COP1: variants seen among roughly 807,000 people sequenced by gnomAD.
COP1 encodes the protein E3 ubiquitin-protein ligase COP1.
COP1 carries 24 observed loss-of-function variants against 101.3 expected under a neutral mutation model. The observed-to-expected ratio is 0.24, with a 90% CI of 0.17 to 0.33. COP1 has a LOEUF of 0.33. Among genes scored for constraint, COP1 ranks in the 10% least tolerant of loss-of-function variants. COP1 has a pLI of 1.00. For synonymous variants in COP1, 347 were observed against 341.9 expected (o/e 1.01, Z -0.17); for missense variants, 663 against 906.2 (o/e 0.73, Z 3.45).
At position 176,003,568 on chromosome 1, in the gene COP1, T is replaced by C. The variant is rs571175121; in HGVS notation, c.1730-14089A>G. Among the ~76,000 whole-genome samples the C allele has an allele frequency of 1.9e-3, 291 of 151,518 alleles. 3 individuals are homozygous for C. Among genetic ancestry groups the C allele is most frequent in the African/African-American group, 6.8e-3 (281 of 41,468 alleles). On this transcript the variant is annotated intron_variant, in intron 15 of 19. Coordinates refer to ENST00000367669, the MANE Select transcript of COP1 (RefSeq NM_022457.7). Reference sequence around the variant, plus strand: ...GGATCCAGTTTCAGCTTTCTACATATGGCTAGCCAGTTTTCCCAGCACCAT... The same window carrying C: ...GGATCCAGTTTCAGCTTTCTACATACGGCTAGCCAGTTTTCCCAGCACCAT...
intron 15 of COP1, among the ~76,000 whole-genome samples, chr1:176,022,719 G>T (rs1317944959): frequency 6.7e-6 from 1 of 150,152 alleles, no homozygotes; most frequent in Non-Finnish European, 1.5e-5. Flanking sequence ...ATGCCTTGCT[G>T]ATACTATCCC....
In COP1 at chr1:176,162,942, T is replaced by C. The variant is rs547206288; in HGVS notation, c.689A>G (p.Gln230Arg). 4 of 1,610,448 alleles carry C rather than the reference T, an allele frequency of 2.5e-6. No individual in the cohort carries two copies. The highest frequency in any genetic ancestry group is 1.3e-5 in the African/African-American group (1 of 74,990). The change falls in exon 5 of 20, where the codon CAA becomes CGA. Residue 230 changes from glutamine to arginine, a missense_variant. Physicochemically the swap from Gln to Arg is conservative, Grantham distance 43. Around this residue, in one of 4 missense-constraint regions of COP1, gnomAD observed 212 missense variants for 240.7 expected, o/e 0.88. Transcript: ENST00000367669. ...QIFQDWLGTD[Q>R]DNLDLANVNL... ...GACATTGGCCAAATCAAGGTTATCT[T>C]GGTCAGTTCCCAACCAATCTTGAAA...
At chr1:176,116,792 C>A (rs1451098227) in intron 8 of COP1, 111 bp from the exon 9 acceptor site, 3 of 725,314 alleles carry the variant, frequency 4.1e-6, no homozygotes, top group South Asian at 2.0e-5. Flanking sequence ...AATTTCTAAG[C>A]CAAGAAAATA....
At chr1:175,992,689 G>A (rs557828342) in intron 15 of COP1, among the ~76,000 whole-genome samples, 1 of 152,216 alleles carries the variant, frequency 6.6e-6, no homozygotes, top group East Asian at 1.9e-4. Flanking sequence ...CAGCGAGGCT[G>A]GGGGAGGGGC....
intron 5 of COP1, among the ~76,000 whole-genome samples, chr1:176,161,292 T>C (rs1472522922): frequency 6.6e-6 from 1 of 152,152 alleles, no homozygotes; most frequent in Non-Finnish European, 1.5e-5. Flanking sequence ...CAATCTCTCA[T>C]AAAAAGTCAT....
intron 1 of COP1, among the ~76,000 whole-genome samples, chr1:176,193,167 T>G (rs1360558207): frequency 6.6e-6 from 1 of 152,102 alleles, no homozygotes; most frequent in Non-Finnish European, 1.5e-5. Flanking sequence ...AACAAGCTCT[T>G]GAAAAGATGG....
chr1:176,095,749 A>T (rs1682232228), intron 9 of COP1, among the ~76,000 whole-genome samples: 1 of 152,246 alleles, frequency 6.6e-6, no homozygotes, highest in African/African-American at 2.4e-5. Flanking sequence ...GTGATACAAA[A>T]GCAAAGATCA....
chr1:176,064,066 A>G (rs1675462252), intron 11 of COP1, among the ~76,000 whole-genome samples: 1 of 152,184 alleles, frequency 6.6e-6, no homozygotes, highest in African/African-American at 2.4e-5. Flanking sequence ...TTTTTAACCA[A>G]TTAAAAGTAT....
chr1:176,078,847 TC>T (rs1344239053), intron 11 of COP1, among the ~76,000 whole-genome samples: 2 of 151,778 alleles, frequency 1.3e-5, no homozygotes, highest in Non-Finnish European at 2.9e-5. Context: ...CACAGACACT[TC>T]TCAAAAGAAG....
intron 14 of COP1, among the ~76,000 whole-genome samples, chr1:176,041,552 T>C (rs969918566): frequency 6.6e-6 from 1 of 152,092 alleles, no homozygotes; most frequent in South Asian, 2.1e-4. Context: ...TTTCACCACA[T>C]TGGCCAGGCT....
At chr1:176,204,355 C>T (rs1198735527) in intron 1 of COP1, among the ~76,000 whole-genome samples, 1 of 151,978 alleles carries the variant, frequency 6.6e-6, no homozygotes, top group African/African-American at 2.4e-5. Context: ...ATTATTTGAA[C>T]TTGGGCTTCG....
intron 15 of COP1, among the ~76,000 whole-genome samples, chr1:176,007,847 C>T (rs1430173394): frequency 6.6e-6 from 1 of 152,220 alleles, no homozygotes; most frequent in Non-Finnish European, 1.5e-5. Flanking sequence ...GCAGGCAGGC[C>T]TCCTTCAGCT....
intron 15 of COP1, among the ~76,000 whole-genome samples, chr1:176,022,081 C>G (rs1441757558): frequency 6.6e-6 from 1 of 152,118 alleles, no homozygotes; most frequent in Non-Finnish European, 1.5e-5. Flanking sequence ...TTATTACATA[C>G]ACAAAGCTCA....
At chr1:176,164,360 G>C (rs1394108911) in intron 3 of COP1, among the ~76,000 whole-genome samples, 2 of 152,128 alleles carry the variant, frequency 1.3e-5, no homozygotes, top group Non-Finnish European at 2.9e-5. Context: ...TCTTTTTCTT[G>C]ATAATAACAT....
chr1:176,143,151 A>C (rs199541144), intron 6 of COP1, among the ~76,000 whole-genome samples: 1 of 120,124 alleles, frequency 8.3e-6, no homozygotes, highest in Non-Finnish European at 1.7e-5. Flanking sequence ...AGAGAAAGAG[A>C]GAGAGAGAGA....
At chr1:176,049,610 C>T (rs1328361012) in intron 11 of COP1, among the ~76,000 whole-genome samples, 1 of 152,044 alleles carries the variant, frequency 6.6e-6, no homozygotes, top group Non-Finnish European at 1.5e-5. Context: ...GGAAGAACTT[C>T]CACATCACTA....
intron 14 of COP1, among the ~76,000 whole-genome samples, chr1:176,031,145 T>C (rs1668586359): frequency 6.6e-6 from 1 of 152,198 alleles, no homozygotes; most frequent in Non-Finnish European, 1.5e-5. Context: ...TGGTCTTCAG[T>C]ACTATGAGAG....
At chr1:176,161,989 C>T (rs530371756) in intron 5 of COP1, among the ~76,000 whole-genome samples, 7 of 152,230 alleles carry the variant, frequency 4.6e-5, no homozygotes, top group Admixed American at 3.9e-4. Flanking sequence ...AAAAAACATA[C>T]ATATAAACCA....
At chr1:175,978,580 T>A (rs1320885961) in intron 18 of COP1, among the ~76,000 whole-genome samples, 1 of 151,972 alleles carries the variant, frequency 6.6e-6, no homozygotes, top group African/African-American at 2.4e-5. Flanking sequence ...GAGGGAAGAG[T>A]GAGGCACTGA....
Sources: allele counts gnomAD v4.1 joint callset (sites outside exome capture counted in the v4.1 genomes callset), GRCh38; gene constraint gnomAD v4.1.1; regional missense constraint gnomAD v4.1.1; transcripts MANE v1.5; gene names NCBI Gene and HGNC (gene_info 2026-07-23, HGNC 2026-07-21).